Variants in MIA3 observed in about 807,000 individuals in gnomAD.
MIA3 encodes transport and Golgi organization protein 1 homolog.
In MIA3, 90 loss-of-function variants were observed where a neutral mutation model predicts 192.4. The observed-to-expected ratio is 0.47, with a 90% CI of 0.39 to 0.56. The LOEUF (loss-of-function observed/expected upper bound fraction) is 0.56. Ranked by LOEUF, MIA3 falls within the 20% of genes least tolerant of loss-of-function variation. The pLI is 0.00. For synonymous variants in MIA3, 740 were observed against 792.8 expected (o/e 0.93, Z 1.12); for missense variants, 2,123 against 2,269.4 (o/e 0.94, Z 1.31).
rs1571895095 is a variant in MIA3 at position 222,650,364 on chromosome 1, C to A, written c.3704C>A (p.Ser1235Ter). 6.4e-6 allele frequency: 10 copies of A among 1,557,726 alleles called. No homozygotes were observed. The South Asian group carries it at 6.9e-5, about 11-fold the overall frequency. ...AATACAGAACTTGTACAAAAATTGTCAAATTATGAACAGAAGGTATGATTA... is the reference window on the plus strand; with the variant it reads ...AATACAGAACTTGTACAAAAATTGTAAAATTATGAACAGAAGGTATGATTA... ...KENTELVQKL[S>*]NYEQKIKESK... Residue 1235 changes from serine to a stop codon, truncating the protein, a stop_gained, in exon 9 of 28, where the codon TCA (serine) becomes TAA (stop). Transcript: ENST00000344922. LOFTEE classifies it high-confidence loss of function.
rs750914703 is a variant in MIA3 at position 222,630,233 on chromosome 1, G to A, written c.3013G>A (p.Gly1005Arg). ...TCGTGTGGCTGAAAATAGAGATCTG[G>A]GAATGAACGAAAATAACATATTTGA... ...DTRVAENRDL[G>R]MNENNIFEEA... The change falls in exon 4 of 28, where the codon GGA becomes AGA. Residue 1005 changes from glycine (G) to arginine (R), a missense_variant. Physicochemically the swap from Gly to Arg is moderately radical, Grantham distance 125 (BLOSUM62 -2). Coordinates refer to ENST00000344922, the MANE Select transcript of MIA3 (RefSeq NM_198551.4). The A allele has an allele frequency of 1.2e-6, 2 of 1,614,034 alleles. No homozygotes were observed. Among genetic ancestry groups the A allele is most frequent in the African/African-American group, 2.7e-5 (2 of 74,912 alleles).
At chr1:222,656,303 T>C (rs1663727897) in intron 18 of MIA3, among the ~76,000 whole-genome samples, 1 of 151,944 alleles carries the variant, frequency 6.6e-6, no homozygotes, top group Admixed American at 6.6e-5. Context: ...GTTCAGTGAG[T>C]TTACTTTTGT....
Position 222,632,179 on chromosome 1 carries a change from C to T in MIA3, c.3184C>T (p.His1062Tyr). Residue 1062 changes from histidine to tyrosine, a missense_variant, in exon 5 of 28, where the codon CAT becomes TAT. This residue lies in a region of MIA3 where 1,357 missense variants were observed against 1,396.1 expected (regional missense o/e 0.97). Transcript: ENST00000344922. The stretch of plus-strand genomic sequence containing the variant: ...TCTCACCCTAGAGATGCAACCACTG[C>T]ATGAAGATAATTTCTCACGAGAGAA... ...GGAMEEMQPL[H>Y]EDNFSREKTA... 1.2e-6 allele frequency: 2 copies of T among 1,614,038 alleles called. No homozygotes were observed. Among genetic ancestry groups the T allele is most frequent in the Non-Finnish European group, 8.5e-7 (1 of 1,179,924 alleles).
intron 3 of MIA3, among the ~76,000 whole-genome samples, chr1:222,625,226 C>T (rs180736696): frequency 1.6e-3 from 245 of 152,110 alleles, no homozygotes; most frequent in African/African-American, 5.4e-3. Flanking sequence ...AGGATGGTCT[C>T]GATCTCCTGA....
At chr1:222,633,761 G>T (rs1390691551) in intron 6 of MIA3, among the ~76,000 whole-genome samples, 1 of 152,108 alleles carries the variant, frequency 6.6e-6, no homozygotes, top group African/African-American at 2.4e-5. Context: ...CAGTCAGGCA[G>T]AAGAAATAAC....
At chr1:222,632,041 T>G in intron 4 of MIA3, 124 bp from the exon 5 acceptor site, 1 of 710,034 alleles carries the variant, frequency 1.4e-6, no homozygotes, top group Non-Finnish European at 2.4e-6. Flanking sequence ...CCCTGCCCAG[T>G]TGTGCTCCAT....
chr1:222,652,154 G>T, intron 12 of MIA3, 74 bp from the exon 13 acceptor site: 3 of 1,401,454 alleles, frequency 2.1e-6, no homozygotes, highest in Non-Finnish European at 3.0e-6. Flanking sequence ...AAAACTACAT[G>T]ATGTTGGGTT....
chr1:222,644,186 C>T (rs1663005943), intron 6 of MIA3: 1 of 804,484 alleles, frequency 1.2e-6, no homozygotes, highest in African/African-American at 1.8e-5. Flanking sequence ...TTCTTCCGCT[C>T]TAGCCCTATT....
chr1:222,663,974 A>C, intron 26 of MIA3, 24 bp from the exon 27 acceptor site: 1 of 1,589,568 alleles, frequency 6.3e-7, no homozygotes, highest in Non-Finnish European at 8.6e-7. Flanking sequence ...GTATTTCAAA[A>C]CTTCAATTGT....
chr1:222,629,782 G>A lies in MIA3; in HGVS notation c.2562G>A (p.Lys854=). 6.2e-7 allele frequency: 1 copy of A among 1,614,146 alleles called. No homozygotes were observed. Residue 854 remains lysine, a synonymous_variant, in exon 4 of 28, where the codon AAG becomes AAA. Coordinates refer to ENST00000344922, the MANE Select transcript of MIA3 (RefSeq NM_198551.4). ...AGAATAAAGATTCTGATTATCTGAA[G>A]AACGACAACCCTGAGGAACATCTGA... ...VFQNKDSDYL[K]NDNPEEHLKT...
At chr1:222,657,993 T>C (rs1287048356) in intron 18 of MIA3, among the ~76,000 whole-genome samples, 1 of 152,254 alleles carries the variant, frequency 6.6e-6, no homozygotes, top group Non-Finnish European at 1.5e-5. Context: ...GTAGCACTTT[T>C]AAACCATTAA....
chr1:222,657,987 C>T (rs537175948), intron 18 of MIA3, among the ~76,000 whole-genome samples: 1 of 152,326 alleles, frequency 6.6e-6, no homozygotes, highest in Non-Finnish European at 1.5e-5. Context: ...CTACAAGTAG[C>T]ACTTTTAAAC....
At chr1:222,626,241 C>T (rs554307544) in intron 3 of MIA3, among the ~76,000 whole-genome samples, 98 of 152,304 alleles carry the variant, frequency 6.4e-4, no homozygotes, top group African/African-American at 2.2e-3. Context: ...AATTTCTCGA[C>T]GCTCTCAGGG....
In MIA3 at chr1:222,629,111, A is replaced by G; in HGVS notation, c.1891A>G (p.Arg631Gly). The change falls in exon 4 of 28, where the codon AGA becomes GGA. Residue 631 changes from arginine (R) to glycine (G), a missense_variant. By Grantham distance (125) the Arg-to-Gly change is moderately radical. Coordinates refer to ENST00000344922, the MANE Select transcript of MIA3 (RefSeq NM_198551.4). ...AGTTCTTAAAACTCAAAACCAACCT[A>G]GATTCTCCTCTCCAGATGAGATTGA... ...ELVLKTQNQPRFSSPDEIDLP... is the reference protein window; with the variant it reads ...ELVLKTQNQPGFSSPDEIDLP... 1 of 1,614,242 alleles carries G rather than the reference A, an allele frequency of 6.2e-7. No homozygotes were observed. Among genetic ancestry groups the G allele is most frequent in the Non-Finnish European group, 8.5e-7 (1 of 1,180,030 alleles).
At position 222,667,606 on chromosome 1, in the gene MIA3, A is replaced by G. The variant is rs1204630132; in HGVS notation, c.*1987A>G. On this transcript the variant is annotated 3_prime_UTR_variant, in exon 28 of 28. Transcript: ENST00000344922. ...TAAAGATTCCAGTGTAGCTTCTCTGAGAAGTTGTGAGCCAGTCCATAACTG... is the reference window on the plus strand; with the variant it reads ...TAAAGATTCCAGTGTAGCTTCTCTGGGAAGTTGTGAGCCAGTCCATAACTG... The G allele has an allele frequency of 2.6e-5, 4 of 152,166 alleles. No individual in the cohort carries two copies. The highest frequency in any genetic ancestry group is 6.5e-5 in the Admixed American group (1 of 15,274). The allele number at this position is 152,166 out of a possible 1,614,324, so 9.4% of individuals were successfully genotyped here.
rs1355177491 is a variant in MIA3 at position 222,666,294 on chromosome 1, T to TTTTTA, written c.*679_*683dup. Reference sequence around the variant, plus strand: ...ACCTGTGAACTCTACAAGTGACGTCTTTTTATTTCAAAGAAGTTTATTTCC... The same window carrying TTTTTA: ...ACCTGTGAACTCTACAAGTGACGTCTTTTTATTTTATTTCAAAGAAGTTTATTTCC... On this transcript the variant is annotated 3_prime_UTR_variant, in exon 28 of 28. Transcript: ENST00000344922. 1 of 152,202 alleles carries TTTTTA rather than the reference T, an allele frequency of 6.6e-6. No homozygotes were observed. Among genetic ancestry groups the TTTTTA allele is most frequent in the Non-Finnish European group, 1.5e-5 (1 of 68,040 alleles). 9.4% of individuals were successfully genotyped at this position (152,202 alleles called of 1,614,324 possible).
intron 2 of MIA3, 65 bp from the exon 3 acceptor site, chr1:222,624,703 A>G: frequency 1.3e-6 from 1 of 781,622 alleles, no homozygotes; most frequent in Non-Finnish European, 2.3e-6. Flanking sequence ...TTGCAGCTCT[A>G]TCGTTCATAT....
intron 19 of MIA3, chr1:222,659,251 A>G (rs1663885616): frequency 3.5e-6 from 2 of 572,764 alleles, no homozygotes; most frequent in Non-Finnish European, 6.2e-6. Flanking sequence ...TATCAACTCA[A>G]TCTCCAGCTG....
At chr1:222,645,379 A>T (rs1329993129) in intron 6 of MIA3, among the ~76,000 whole-genome samples, 175 bp from the exon 7 acceptor site, 1 of 152,228 alleles carries the variant, frequency 6.6e-6, no homozygotes, top group Admixed American at 6.5e-5. Flanking sequence ...AACAATAAGT[A>T]TGAGACTCCC....
Sources: allele counts gnomAD v4.1 joint callset (sites outside exome capture counted in the v4.1 genomes callset), GRCh38; gene constraint gnomAD v4.1.1; regional missense constraint gnomAD v4.1.1; transcripts MANE v1.5; gene names NCBI Gene and HGNC (gene_info 2026-07-23, HGNC 2026-07-21).